The following PAG1 variants were observed in gnomAD, a reference collection of about 807,000 sequenced individuals.
The protein encoded by PAG1 is phosphoprotein associated with glycosphingolipid-enriched microdomains 1.
PAG1 carries 23 observed loss-of-function variants against 31.7 expected under a neutral mutation model. That is an observed-to-expected ratio of 0.73 (90% CI 0.52 to 1.03). The LOEUF (loss-of-function observed/expected upper bound fraction) is 1.03, where lower values mean the gene tolerates loss of function less well. Among genes scored for constraint, PAG1 ranks in the 50% least tolerant of loss-of-function variants. The probability of loss-of-function intolerance (pLI) is 0.00; values close to 1 mark genes in which losing one functional copy is unlikely to be tolerated. For missense variants in PAG1, 473 were observed against 540.7 expected (o/e 0.87, Z 1.24); for synonymous variants, 214 against 210.3 (o/e 1.02, Z -0.15).
rs139534615 is a variant in PAG1, at chr8:80,993,144, G to A, written c.84C>T (p.Phe28=). Residue 28 remains phenylalanine (F), a synonymous_variant, in exon 4 of 9, where the codon TTC becomes TTT. Transcript: ENST00000220597. ...ACAGGAAGATGAGGAAGGTGATGAC[G>A]AAGAAAATGGCGACAGCAGCCAGAC... ...WGSLAAVAIF[F]VITFLIFLCS... 8.7e-6 allele frequency: 14 copies of A among 1,613,696 alleles called. No homozygotes were observed. Among genetic ancestry groups the A allele is most frequent in the East Asian group, 2.2e-5 (1 of 44,870 alleles).
chr8:81,106,334 C>T (rs1809692742), intron 1 of PAG1, among the ~76,000 whole-genome samples: 1 of 152,108 alleles, frequency 6.6e-6, no homozygotes, highest in Non-Finnish European at 1.5e-5. Flanking sequence ...GCGTGAGTCA[C>T]CGCACCAGGC....
At position 80,991,478 on chromosome 8, in the gene PAG1, C is replaced by G; in HGVS notation, c.177+1G>C. The G allele has an allele frequency of 6.2e-7, 1 of 1,612,144 alleles. No homozygotes were observed. Among genetic ancestry groups the G allele is most frequent in the Non-Finnish European group, 8.5e-7 (1 of 1,178,220 alleles). On this transcript the variant is annotated splice_donor_variant, in intron 5 of 8. Coordinates refer to ENST00000220597, the MANE Select transcript of PAG1 (RefSeq NM_018440.4). LOFTEE classifies it high-confidence loss of function. ...CAGGCAGACGACACGCGCAGGCTCA[C>G]CACGTTCATCAGGTTCTCATGGTCC...
intron 5 of PAG1, among the ~76,000 whole-genome samples, chr8:80,989,815 G>T (rs563266371): frequency 6.6e-6 from 1 of 152,072 alleles, no homozygotes; most frequent in African/African-American, 2.4e-5. Context: ...AGGAAAATTC[G>T]CATTTCTAAG....
intron 3 of PAG1, among the ~76,000 whole-genome samples, chr8:81,011,417 C>T (rs1389266814): frequency 1.3e-5 from 2 of 152,118 alleles, no homozygotes; most frequent in Non-Finnish European, 2.9e-5. Context: ...TCTTGCCTGC[C>T]GCCATGTAAG....
chr8:81,084,767 T>C (rs1011844699), intron 1 of PAG1, among the ~76,000 whole-genome samples: 1 of 152,218 alleles, frequency 6.6e-6, no homozygotes, highest in Admixed American at 6.5e-5. Context: ...GGATGTACAT[T>C]ATGAGTGTCA....
intron 2 of PAG1, among the ~76,000 whole-genome samples, chr8:81,056,413 C>A (rs1432515912): frequency 6.6e-6 from 1 of 152,170 alleles, no homozygotes; most frequent in Middle Eastern, 3.4e-3. Flanking sequence ...AGAAATAATA[C>A]CACACATCTA....
chr8:81,082,533 G>A (rs920597850), intron 1 of PAG1, among the ~76,000 whole-genome samples: 6 of 152,004 alleles, frequency 3.9e-5, no homozygotes, highest in African/African-American at 9.7e-5. Flanking sequence ...TGCTTCTTAT[G>A]GGTCTCTAAT....
At chr8:81,086,988 G>C (rs1809369173) in intron 1 of PAG1, among the ~76,000 whole-genome samples, 1 of 152,012 alleles carries the variant, frequency 6.6e-6, no homozygotes, top group Non-Finnish European at 1.5e-5. Context: ...TGAGAGCAGG[G>C]GTCAGTTTGC....
At chr8:81,017,040 C>T (rs1225966915) in intron 3 of PAG1, among the ~76,000 whole-genome samples, 1 of 152,148 alleles carries the variant, frequency 6.6e-6, no homozygotes, top group Non-Finnish European at 1.5e-5. Context: ...ACCATTGTTG[C>T]ATGAGTGAAC....
chr8:81,086,202 C>T (rs527854020), intron 1 of PAG1, among the ~76,000 whole-genome samples: 1,965 of 151,506 alleles, frequency 0.013, 42 homozygotes, highest in African/African-American at 0.044. Flanking sequence ...AGGATGGTCT[C>T]GATCTCCTGA....
intron 2 of PAG1, among the ~76,000 whole-genome samples, chr8:81,052,994 T>TTTTTGA (rs1808757683): frequency 6.6e-6 from 1 of 152,254 alleles, no homozygotes; most frequent in Non-Finnish European, 1.5e-5. Flanking sequence ...TTTCAAAGTT[T>TTTTTGA]ATTTATTTTT....
chr8:81,072,446 T>C (rs11995901), intron 1 of PAG1, among the ~76,000 whole-genome samples: 7,630 of 152,298 alleles, frequency 0.05, 679 homozygotes, highest in African/African-American at 0.17. Flanking sequence ...CCCTGAGTTG[T>C]AATAAACAAA....
intron 2 of PAG1, among the ~76,000 whole-genome samples, chr8:81,043,022 A>T (rs1808580632): frequency 1.3e-5 from 2 of 152,158 alleles, no homozygotes; most frequent in Admixed American, 6.5e-5. Context: ...CCCCTTTTAC[A>T]ATAAAATACA....
chr8:81,110,511 G>A (rs192593212), intron 1 of PAG1, among the ~76,000 whole-genome samples: 3 of 152,318 alleles, frequency 2.0e-5, no homozygotes, highest in Admixed American at 2.0e-4. Flanking sequence ...ATCCTTCAAA[G>A]TAGGGCACTG....
chr8:80,983,197 G>A (rs1459726470), intron 7 of PAG1, among the ~76,000 whole-genome samples: 1 of 152,078 alleles, frequency 6.6e-6, no homozygotes, highest in Non-Finnish European at 1.5e-5. Context: ...CTCACACTGG[G>A]CATCCCCTCT....
chr8:81,059,387 A>G (rs765999861), intron 2 of PAG1, among the ~76,000 whole-genome samples: 7 of 152,244 alleles, frequency 4.6e-5, no homozygotes, highest in Non-Finnish European at 1.0e-4. Flanking sequence ...AGATAAAAAT[A>G]TTACAGCATT....
Position 81,042,212 on chromosome 8 carries a change from A to C in PAG1, c.-174-12123T>G, listed in dbSNP as rs369544811. On this transcript the variant is annotated intron_variant, in intron 2 of 8. Transcript: ENST00000220597. ...TGCAGGCATCAGAGTGTCATAGAAA[A>C]CAGAGTCTATGCCTCACCAGTCAAG... is the stretch of plus-strand genomic sequence containing the variant. Among the ~76,000 whole-genome samples, 238 of 152,292 alleles carry C rather than the reference A, an allele frequency of 1.6e-3. 2 individuals carry two copies. The highest frequency in any genetic ancestry group is 5.5e-3 in the African/African-American group (228 of 41,570).
chr8:81,011,139 A>T (rs939660322), intron 3 of PAG1, among the ~76,000 whole-genome samples: 1 of 151,446 alleles, frequency 6.6e-6, no homozygotes, highest in African/African-American at 2.4e-5. Context: ...TGTATGTACA[A>T]CCTCTAGAAT....
intron 1 of PAG1, among the ~76,000 whole-genome samples, chr8:81,088,595 TA>T (rs1441170321): frequency 6.6e-6 from 1 of 152,072 alleles, no homozygotes; most frequent in African/African-American, 2.4e-5. Context: ...GAGAGCTGGG[TA>T]AGGAGATCTA....
Sources: allele counts gnomAD v4.1 joint callset (sites outside exome capture counted in the v4.1 genomes callset), GRCh38; gene constraint gnomAD v4.1.1; transcripts MANE v1.5; gene names NCBI Gene and HGNC (gene_info 2026-07-23, HGNC 2026-07-21).